AFAP1: variants seen among roughly 807,000 people sequenced by gnomAD.
AFAP1 encodes the protein actin filament-associated protein 1.
AFAP1 carries 75 observed loss-of-function variants against 93.9 expected under a neutral mutation model. That is an observed-to-expected ratio of 0.80 (90% CI 0.66 to 0.97). The LOEUF is 0.97. Ranked by LOEUF, AFAP1 falls within the 50% of genes least tolerant of loss-of-function variation. The pLI, the probability that AFAP1 is intolerant of heterozygous loss-of-function variation, is 0.00. For missense variants in AFAP1, 1,201 were observed against 1,050.8 expected (o/e 1.14, Z -1.98); for synonymous variants, 517 against 430.7 (o/e 1.20, Z -2.48).
chr4:7,893,918 C>T (rs897299318), intron 1 of AFAP1, among the ~76,000 whole-genome samples: 4 of 152,228 alleles, frequency 2.6e-5, no homozygotes, highest in East Asian at 1.9e-4. Context: ...ATAATGCAAA[C>T]GCTGCCGCCT....
rs370306447 is a variant in AFAP1, at chr4:7,853,932, G to A, written c.334+1534C>T. 1.0e-3 allele frequency among the ~76,000 whole-genome samples: 159 copies of A among 152,256 alleles called. 4 individuals carry two copies. In the South Asian group the frequency reaches 0.031, roughly 29 times the overall value. On this transcript the variant is annotated intron_variant, in intron 4 of 17. Transcript: ENST00000420658. ...AGTCACCTCTTCTTCTGGAGTCAGC[G>A]GCTAAGGAACAGCCCCACTGAAGGG...
At chr4:7,786,167 C>G in intron 12 of AFAP1, 27 bp downstream of exon 12, 1 of 1,599,034 alleles carries the variant, frequency 6.3e-7, no homozygotes, top group Non-Finnish European at 8.6e-7. Flanking sequence ...ACAAAACCAA[C>G]CATTACTCCA....
rs1466194224 is a variant in AFAP1 at position 7,763,738 on chromosome 4, C to T, written c.*27G>A. The T allele has an allele frequency of 6.4e-7, 1 of 1,551,636 alleles. No homozygotes were observed. Among genetic ancestry groups the T allele is most frequent in the Admixed American group, 2.0e-5 (1 of 51,010 alleles). On this transcript the variant is annotated 3_prime_UTR_variant, in exon 18 of 18. Coordinates refer to ENST00000420658, the MANE Select transcript of AFAP1 (RefSeq NM_001134647.2). Reference sequence around the variant, plus strand: ...ATACAGGCAAGGGGGTGTGCAGTCTCTGAGGCTGGAGTGGTGCTGCTGTCC... The same window carrying T: ...ATACAGGCAAGGGGGTGTGCAGTCTTTGAGGCTGGAGTGGTGCTGCTGTCC...
rs542853404 is a variant in AFAP1 at position 7,916,533 on chromosome 4, C to G, written c.-3+23123G>C. Among the ~76,000 whole-genome samples the G allele has an allele frequency of 5.3e-5, 8 of 152,256 alleles. No individual in the cohort carries two copies. The East Asian group carries it at 1.5e-3, about 29-fold the overall frequency. On this transcript the variant is annotated intron_variant, in intron 1 of 17. Transcript: ENST00000420658. ...TGGGAAATTTCCTGACCCAGCGAAACCAGCATCAAGTCCACTTACTATGAT... is the reference window on the plus strand; with the variant it reads ...TGGGAAATTTCCTGACCCAGCGAAAGCAGCATCAAGTCCACTTACTATGAT...
At chr4:7,767,324 AC>A (rs1353022894) in intron 17 of AFAP1, among the ~76,000 whole-genome samples, 2 of 152,182 alleles carry the variant, frequency 1.3e-5, no homozygotes, top group Non-Finnish European at 2.9e-5. Flanking sequence ...GGAAGCACAC[AC>A]GGTGATGGGA....
chr4:7,892,770 T>G (rs1718544196), intron 1 of AFAP1, among the ~76,000 whole-genome samples: 1 of 151,888 alleles, frequency 6.6e-6, no homozygotes, highest in Non-Finnish European at 1.5e-5. Context: ...CCATGACGCA[T>G]TTGAGACTGC....
chr4:7,868,326 T>G (rs931184562), intron 3 of AFAP1, among the ~76,000 whole-genome samples: 2 of 152,170 alleles, frequency 1.3e-5, no homozygotes, highest in Admixed American at 6.5e-5. Context: ...TTTTTGTTTT[T>G]CTTAATCTGA....
At chr4:7,808,065 C>T (rs1432851490) in intron 9 of AFAP1, among the ~76,000 whole-genome samples, 1 of 152,110 alleles carries the variant, frequency 6.6e-6, no homozygotes, top group Non-Finnish European at 1.5e-5. Flanking sequence ...ATAACGGGTG[C>T]TCAATAAGGG....
chr4:7,823,287 C>G (rs906394470), intron 6 of AFAP1, among the ~76,000 whole-genome samples: 34 of 151,660 alleles, frequency 2.2e-4, no homozygotes, highest in Admixed American at 1.5e-3. Flanking sequence ...AGGAAAGAAA[C>G]TGGAATTAAG....
intron 13 of AFAP1, 77 bp from the exon 14 acceptor site, chr4:7,778,953 T>C (rs1716453296): frequency 1.8e-6 from 2 of 1,109,270 alleles, no homozygotes; most frequent in Non-Finnish European, 2.6e-6. Flanking sequence ...TTTTCTGGAG[T>C]CATTTCTTTC....
intron 1 of AFAP1, among the ~76,000 whole-genome samples, chr4:7,886,870 C>T (rs1431527881): frequency 2.0e-5 from 3 of 152,096 alleles, no homozygotes; most frequent in Non-Finnish European, 2.9e-5. Flanking sequence ...ACAGTGTTTC[C>T]CTTCCATTTA....
At chr4:7,888,773 A>G (rs993233439) in intron 1 of AFAP1, among the ~76,000 whole-genome samples, 1 of 151,686 alleles carries the variant, frequency 6.6e-6, no homozygotes, top group Non-Finnish European at 1.5e-5. Flanking sequence ...AGACAGAAAA[A>G]TTGTTAACAG....
chr4:7,924,262 A>G (rs1377275370), intron 1 of AFAP1, among the ~76,000 whole-genome samples: 1 of 152,218 alleles, frequency 6.6e-6, no homozygotes, highest in Non-Finnish European at 1.5e-5. Context: ...GGTCCCTTCC[A>G]TTCACAAATT....
chr4:7,794,560 T>C (rs917081161), intron 10 of AFAP1, among the ~76,000 whole-genome samples: 1 of 152,084 alleles, frequency 6.6e-6, no homozygotes, highest in East Asian at 1.9e-4. Flanking sequence ...CTCGCTCTGT[T>C]ACCCAGGCTG....
At chr4:7,835,893 C>CCTGGGTGGCTCTTGAATGGA (rs1560188872) in intron 6 of AFAP1, among the ~76,000 whole-genome samples, 8 of 151,956 alleles carry the variant, frequency 5.3e-5, no homozygotes, top group South Asian at 2.1e-4. Flanking sequence ...CTTAAGGTTA[C>CCTGGGTGGCTCTTGAATGGA]CTGGGTGGCT....
intron 16 of AFAP1, 36 bp downstream of exon 16, chr4:7,772,784 G>C: frequency 1.9e-6 from 3 of 1,597,928 alleles, no homozygotes; most frequent in East Asian, 2.2e-5. Flanking sequence ...ACGCAAGGCC[G>C]CGCCAGCCTC....
intron 9 of AFAP1, among the ~76,000 whole-genome samples, chr4:7,804,714 T>G (rs1158902267): frequency 6.6e-6 from 1 of 152,208 alleles, no homozygotes; most frequent in Non-Finnish European, 1.5e-5. Flanking sequence ...GAAATGATAG[T>G]GCCTGCCCAC....
intron 1 of AFAP1, among the ~76,000 whole-genome samples, chr4:7,911,499 TCACA>T (rs534929575): frequency 7.5e-4 from 114 of 152,234 alleles, no homozygotes; most frequent in Non-Finnish European, 1.2e-3. Context: ...GCTCCACTTC[TCACA>T]CAAATGACAT....
rs572264579 is a variant in AFAP1 at position 7,758,935 on chromosome 4, T to C, written c.*4830A>G. 3.9e-5 allele frequency: 6 copies of C among 152,294 alleles called. No homozygotes were observed. The highest frequency in any genetic ancestry group is 7.2e-5 in the African/African-American group (3 of 41,472). 9.4% of individuals were successfully genotyped at this position (152,294 alleles called of 1,614,324 possible). On this transcript the variant is annotated 3_prime_UTR_variant, in exon 18 of 18. Transcript: ENST00000420658. The stretch of plus-strand genomic sequence containing the variant: ...AATACATTGAGAAACAGTGAAAATA[T>C]ATTTACAGTCATTTGAAGTGGGCAC...
Sources: gnomAD v4.1 joint callset for allele counts (sites outside exome capture counted in the v4.1 genomes callset) on GRCh38, gnomAD v4.1.1 for gene constraint, MANE v1.5 for transcripts, NCBI Gene and HGNC (gene_info 2026-07-23, HGNC 2026-07-21) for gene names.